CSNK1G1: variants seen among roughly 807,000 people sequenced by gnomAD.
The protein encoded by CSNK1G1 is casein kinase I isoform gamma-1.
In CSNK1G1, 22 loss-of-function variants were observed where a neutral mutation model predicts 59.6. The ratio of observed to expected loss-of-function variants is 0.37; its 90% CI spans 0.26 to 0.53. The LOEUF is 0.53. CSNK1G1 is among the 20% of genes least tolerant of loss of function. The pLI is 0.89. For synonymous variants in CSNK1G1, 179 were observed against 177.1 expected (o/e 1.01, Z -0.08); for missense variants, 384 against 519.5 (o/e 0.74, Z 2.54).
intron 1 of CSNK1G1, among the ~76,000 whole-genome samples, chr15:64,308,728 C>T (rs145683196): frequency 0.017 from 2,556 of 152,150 alleles, 82 homozygotes; most frequent in African/African-American, 0.058. Context: ...AACCCCATCT[C>T]TACTAAAAAT....
At chr15:64,196,361 C>T (rs1455415577) in intron 10 of CSNK1G1, among the ~76,000 whole-genome samples, 74 of 152,118 alleles carry the variant, frequency 4.9e-4, no homozygotes, top group Admixed American at 4.8e-3. Context: ...ATTCAATATA[C>T]CTAAAATCTA....
chr15:64,269,494 T>C (rs1437119343), intron 2 of CSNK1G1, among the ~76,000 whole-genome samples: 1 of 94,476 alleles, frequency 1.1e-5, no homozygotes, highest in African/African-American at 5.4e-5. Flanking sequence ...TGATGGCTAT[T>C]TTTTTTTTTT....
At chr15:64,329,256 T>C (rs1269107596) in intron 1 of CSNK1G1, among the ~76,000 whole-genome samples, 3 of 151,750 alleles carry the variant, frequency 2.0e-5, no homozygotes, top group Non-Finnish European at 4.4e-5. Context: ...TATTCCAAAA[T>C]TGACCACATA....
intron 3 of CSNK1G1, 33 bp from the exon 4 acceptor site, chr15:64,251,614 T>G (rs763562879): frequency 1.0e-5 from 15 of 1,489,796 alleles, no homozygotes; most frequent in African/African-American, 1.4e-5. Context: ...GTGATCAGAT[T>G]TAAACAAATG....
At chr15:64,228,385 C>T (rs1356167342) in intron 4 of CSNK1G1, among the ~76,000 whole-genome samples, 1 of 152,268 alleles carries the variant, frequency 6.6e-6, no homozygotes, top group Non-Finnish European at 1.5e-5. Context: ...CGGTGGCTCA[C>T]GCCTGTAATC....
intron 10 of CSNK1G1, 94 bp downstream of exon 10, chr15:64,202,988 T>C (rs1421828180): frequency 1.1e-6 from 1 of 883,214 alleles, no homozygotes; most frequent in Middle Eastern, 2.1e-4. Flanking sequence ...TTATTTTCAG[T>C]ACATACACTA....
rs1892679560 is a variant in CSNK1G1, at chr15:64,261,379, T to G, written c.182-2138A>C. ...ACTTTGGGAGGCTGAGGTGGGTGGA[T>G]CACCTGAGGTCAGGAGTTCGAGAAC... On this transcript the variant is annotated intron_variant, in intron 2 of 11. Coordinates refer to ENST00000303052, the MANE Select transcript of CSNK1G1 (RefSeq NM_022048.5). 2.0e-5 allele frequency among the ~76,000 whole-genome samples: 3 copies of G among 152,064 alleles called. No individual in the cohort carries two copies. The South Asian group carries it at 6.2e-4, about 31-fold the overall frequency.
At chr15:64,337,941 A>G (rs1266930105) in intron 1 of CSNK1G1, among the ~76,000 whole-genome samples, 1 of 152,170 alleles carries the variant, frequency 6.6e-6, no homozygotes, top group East Asian at 1.9e-4. Flanking sequence ...ATGTTTTCAA[A>G]GTTTACCCAC....
intron 11 of CSNK1G1, 101 bp from the exon 12 acceptor site, chr15:64,172,086 G>A: frequency 9.3e-7 from 1 of 1,069,790 alleles, no homozygotes; most frequent in Non-Finnish European, 1.4e-6. Context: ...TTTCCCCCTA[G>A]CACCCACCCA....
chr15:64,204,512 G>A lies in CSNK1G1; in HGVS notation c.928C>T (p.Leu310Phe). The A allele has an allele frequency of 6.2e-7, 1 of 1,613,844 alleles. No homozygotes were observed. Among genetic ancestry groups the A allele is most frequent in the Non-Finnish European group, 8.5e-7 (1 of 1,179,862 alleles). ...TTCTTTTCAAAGAGGTCTGTGAAGA[G>A]GGTCCGTAAATACTCATAATCAGGT... ...EKPDYEYLRTLFTDLFEKKGY... is the reference protein window; with the variant it reads ...EKPDYEYLRTFFTDLFEKKGY... Residue 310 changes from leucine to phenylalanine, a missense_variant, in exon 9 of 12, where the codon CTC (leucine) becomes TTC (phenylalanine). This residue lies in a region of CSNK1G1 where 325 missense variants were observed against 440.9 expected (regional missense o/e 0.74). Coordinates refer to ENST00000303052, the MANE Select transcript of CSNK1G1 (RefSeq NM_022048.5).
intron 4 of CSNK1G1, among the ~76,000 whole-genome samples, chr15:64,244,641 G>A (rs538848338): frequency 5.9e-5 from 9 of 152,236 alleles, no homozygotes; most frequent in Non-Finnish European, 1.0e-4. Flanking sequence ...CCAGCACTTT[G>A]GGAGGCTGAG....
chr15:64,185,973 G>C (rs2081889721), intron 10 of CSNK1G1, among the ~76,000 whole-genome samples: 2 of 152,076 alleles, frequency 1.3e-5, no homozygotes, highest in Non-Finnish European at 2.9e-5. Context: ...TGCTCTTGCA[G>C]CTCTGTTTTG....
chr15:64,189,501 T>C, intron 10 of CSNK1G1: 2 of 1,216,968 alleles, frequency 1.6e-6, no homozygotes, highest in African/African-American at 1.6e-5. Flanking sequence ...GAAAAATGAG[T>C]AGTTGGAGAG....
chr15:64,350,169 C>T (rs906260195), intron 1 of CSNK1G1, among the ~76,000 whole-genome samples: 2 of 152,032 alleles, frequency 1.3e-5, no homozygotes, highest in Non-Finnish European at 2.9e-5. Flanking sequence ...CTTCCATCAA[C>T]AAGTGGACTA....
intron 4 of CSNK1G1, among the ~76,000 whole-genome samples, chr15:64,238,774 C>A (rs1454646844): frequency 6.6e-6 from 1 of 151,518 alleles, no homozygotes; most frequent in Non-Finnish European, 1.5e-5. Context: ...TGTGCCATGC[C>A]CCCCCAGGGA....
chr15:64,295,033 C>A (rs1566937036), intron 2 of CSNK1G1, among the ~76,000 whole-genome samples: 1 of 151,840 alleles, frequency 6.6e-6, no homozygotes, highest in Non-Finnish European at 1.5e-5. Context: ...AGATCAAGAC[C>A]ATCCTGGCTA....
intron 3 of CSNK1G1, among the ~76,000 whole-genome samples, chr15:64,254,113 C>G (rs761093682): frequency 2.0e-5 from 3 of 151,924 alleles, no homozygotes; most frequent in Non-Finnish European, 4.4e-5. Context: ...GCACTCCAGC[C>G]TGGGCGACAG....
chr15:64,234,144 T>A (rs2140295696), intron 4 of CSNK1G1, among the ~76,000 whole-genome samples: 1 of 152,304 alleles, frequency 6.6e-6, no homozygotes, highest in East Asian at 1.9e-4. Flanking sequence ...CTTTTATATT[T>A]AAGTTCTGCT....
chr15:64,190,479 A>T (rs1378917693), intron 10 of CSNK1G1, among the ~76,000 whole-genome samples: 2 of 152,078 alleles, frequency 1.3e-5, no homozygotes, highest in Non-Finnish European at 2.9e-5. Flanking sequence ...CAATGGCGCG[A>T]TCTCCGCTCA....
Sources: allele counts gnomAD v4.1 joint callset (sites outside exome capture counted in the v4.1 genomes callset), GRCh38; gene constraint gnomAD v4.1.1; regional missense constraint gnomAD v4.1.1; transcripts MANE v1.5; gene names NCBI Gene and HGNC (gene_info 2026-07-23, HGNC 2026-07-21).